The following UHRF2 variants were observed in gnomAD, a reference collection of about 807,000 sequenced individuals.
The protein encoded by UHRF2 is E3 ubiquitin-protein ligase UHRF2.
UHRF2 carries 23 observed loss-of-function variants against 96.8 expected under a neutral mutation model. The observed-to-expected ratio is 0.24, with a 90% CI of 0.17 to 0.34. UHRF2 has a LOEUF of 0.34. Ranked by LOEUF, UHRF2 falls within the 10% of genes least tolerant of loss-of-function variation. The probability of loss-of-function intolerance (pLI) is 1.00; values close to 1 mark genes in which losing one functional copy is unlikely to be tolerated. For missense variants in UHRF2, 685 were observed against 981.5 expected (o/e 0.70, Z 4.04); for synonymous variants, 385 against 332.6 (o/e 1.16, Z -1.72).
At chr9:6,434,360 G>C (rs1320208484) in intron 3 of UHRF2, 187 bp downstream of exon 3, 1 of 607,716 alleles carries the variant, frequency 1.6e-6, no homozygotes, top group African/African-American at 1.9e-5. Context: ...ATTATCTCTG[G>C]TTCTTAAGTG....
At position 6,482,117 on chromosome 9, in the gene UHRF2, C is replaced by CTT. The variant is rs781440660; in HGVS notation, c.1392+19_1392+20dup. On this transcript the variant is annotated intron_variant, in intron 8 of 15. Transcript: ENST00000276893. ...GAGTTCAGGTATGTTTTAACTTGGG[C>CTT]TTAGTTGAAAGGGGAGAATTGGCTA... is the stretch of plus-strand genomic sequence containing the variant. The CTT allele has an allele frequency of 1.6e-5, 26 of 1,603,154 alleles. No homozygotes were observed. The highest frequency in any genetic ancestry group is 2.1e-5 in the Non-Finnish European group (25 of 1,170,798).
intron 3 of UHRF2, among the ~76,000 whole-genome samples, chr9:6,456,896 C>G (rs1456274466): frequency 6.6e-6 from 1 of 152,130 alleles, no homozygotes; most frequent in Non-Finnish European, 1.5e-5. Flanking sequence ...GTCTACATGT[C>G]TGTTTTGGTT....
At chr9:6,472,223 C>G (rs1430003166) in intron 4 of UHRF2, among the ~76,000 whole-genome samples, 1 of 152,156 alleles carries the variant, frequency 6.6e-6, no homozygotes, top group Non-Finnish European at 1.5e-5. Context: ...TTGACTCTTT[C>G]TCCAAGAAAT....
chr9:6,446,790 A>T, intron 3 of UHRF2, among the ~76,000 whole-genome samples: 1 of 151,906 alleles, frequency 6.6e-6, no homozygotes, highest in Admixed American at 6.5e-5. Context: ...GATTACAGTG[A>T]GCTGAAATGG....
At chr9:6,452,935 G>A (rs1335404040) in intron 3 of UHRF2, among the ~76,000 whole-genome samples, 2 of 152,048 alleles carry the variant, frequency 1.3e-5, no homozygotes, top group African/African-American at 4.8e-5. Context: ...ACATTTGAGC[G>A]CATAATAGGT....
At chr9:6,461,033 T>C (rs1822504549) in intron 4 of UHRF2, among the ~76,000 whole-genome samples, 1 of 152,338 alleles carries the variant, frequency 6.6e-6, no homozygotes, top group East Asian at 1.9e-4. Flanking sequence ...CTGAGTGTTT[T>C]ATTACAGAAA....
chr9:6,420,877 G>T (rs12005560), intron 1 of UHRF2, 35 bp from the exon 2 acceptor site: 1 of 1,531,162 alleles, frequency 6.5e-7, no homozygotes, highest in South Asian at 1.1e-5. Context: ...ATACATTTTA[G>T]AGAAGCATTT....
intron 3 of UHRF2, among the ~76,000 whole-genome samples, chr9:6,437,180 T>A (rs1322786419): frequency 6.6e-6 from 1 of 152,198 alleles, no homozygotes; most frequent in Non-Finnish European, 1.5e-5. Flanking sequence ...GAATGGAGGA[T>A]GCATTGAAGA....
chr9:6,443,558 T>C (rs60812725), intron 3 of UHRF2, among the ~76,000 whole-genome samples: 71 of 152,128 alleles, frequency 4.7e-4, no homozygotes, highest in African/African-American at 1.7e-3. Flanking sequence ...TTAAATAACT[T>C]AAAAATTTCT....
chr9:6,491,141 G>C (rs1824631191), intron 9 of UHRF2, among the ~76,000 whole-genome samples: 1 of 152,182 alleles, frequency 6.6e-6, no homozygotes, highest in Non-Finnish European at 1.5e-5. Context: ...CCTCTTCTGA[G>C]AAGTGAGGAC....
intron 1 of UHRF2, among the ~76,000 whole-genome samples, chr9:6,418,019 GTTTTA>G (rs1314198513): frequency 6.6e-6 from 1 of 152,074 alleles, no homozygotes; most frequent in Non-Finnish European, 1.5e-5. Flanking sequence ...TAATTTGCAT[GTTTTA>G]TACTGTTAGT....
In UHRF2 at chr9:6,505,064, G is replaced by T. The variant is rs184723733; in HGVS notation, c.2262+373G>T. 2.4e-4 allele frequency among the ~76,000 whole-genome samples: 37 copies of T among 152,208 alleles called. 1 individual carries two copies. The South Asian group carries it at 5.0e-3, about 20-fold the overall frequency. On this transcript the variant is annotated intron_variant, in intron 15 of 15. Transcript: ENST00000276893. ...TTTATACCTAGCATCATGCCCAGATGAATTGAATATTGTGTTTTCAGTGTG... is the reference window on the plus strand; with the variant it reads ...TTTATACCTAGCATCATGCCCAGATTAATTGAATATTGTGTTTTCAGTGTG...
intron 14 of UHRF2, among the ~76,000 whole-genome samples, chr9:6,500,954 C>G (rs1430407411): frequency 2.0e-5 from 3 of 152,140 alleles, no homozygotes; most frequent in African/African-American, 2.4e-5. Flanking sequence ...CTTTGAGGTA[C>G]TGTTCCTCAG....
chr9:6,492,192 T>C, intron 9 of UHRF2: 1 of 322,668 alleles, frequency 3.1e-6, no homozygotes, highest in South Asian at 4.0e-5. Flanking sequence ...ATTTGCTGCT[T>C]GAAGAATAAT....
intron 4 of UHRF2, among the ~76,000 whole-genome samples, chr9:6,473,724 C>G (rs911998877): frequency 6.6e-6 from 1 of 152,166 alleles, no homozygotes; most frequent in African/African-American, 2.4e-5. Context: ...TCTGTCACAA[C>G]TACTTAACTC....
At chr9:6,478,297 C>G (rs941005965) in intron 6 of UHRF2, among the ~76,000 whole-genome samples, 3 of 152,220 alleles carry the variant, frequency 2.0e-5, no homozygotes, top group African/African-American at 7.2e-5. Context: ...TGGTTAACTT[C>G]AAGACGATAC....
At chr9:6,480,877 G>A (rs1823885125) in intron 6 of UHRF2, among the ~76,000 whole-genome samples, 1 of 152,154 alleles carries the variant, frequency 6.6e-6, no homozygotes, top group East Asian at 1.9e-4. Context: ...TGACTTGTGG[G>A]CATAGTCTTC....
intron 1 of UHRF2, among the ~76,000 whole-genome samples, chr9:6,420,113 G>A (rs1214835730): frequency 6.6e-6 from 1 of 151,240 alleles, no homozygotes; most frequent in Non-Finnish European, 1.5e-5. Flanking sequence ...TTGGAGTGCA[G>A]TGGCGCAATT....
chr9:6,440,944 T>TA (rs1430994974), intron 3 of UHRF2, among the ~76,000 whole-genome samples: 1 of 152,210 alleles, frequency 6.6e-6, no homozygotes, highest in African/African-American at 2.4e-5. Flanking sequence ...TTCCCTGTGA[T>TA]TCTATTTCAT....
Sources: gnomAD v4.1 joint callset for allele counts (sites outside exome capture counted in the v4.1 genomes callset) on GRCh38, gnomAD v4.1.1 for gene constraint, MANE v1.5 for transcripts, NCBI Gene and HGNC (gene_info 2026-07-23, HGNC 2026-07-21) for gene names.